STAG3: variants seen among roughly 807,000 people sequenced by gnomAD.
STAG3 encodes the protein cohesin subunit SA-3.
STAG3 carries 101 observed loss-of-function variants against 160.7 expected under a neutral mutation model. The ratio of observed to expected loss-of-function variants is 0.63; its 90% CI spans 0.54 to 0.74. The LOEUF (loss-of-function observed/expected upper bound fraction) is 0.74, where lower values mean the gene tolerates loss of function less well. Among genes scored for constraint, STAG3 ranks in the 30% least tolerant of loss-of-function variants. The pLI is 0.00. For synonymous variants in STAG3, 519 were observed against 585.0 expected (o/e 0.89, Z 1.63); for missense variants, 1,188 against 1,517.4 (o/e 0.78, Z 3.61).
intron 9 of STAG3, among the ~76,000 whole-genome samples, chr7:100,195,790 A>G (rs1352248377): frequency 1.3e-5 from 2 of 152,194 alleles, no homozygotes; most frequent in African/African-American, 4.8e-5. Flanking sequence ...TGCGAAGGGC[A>G]GGGGAGTTTT....
rs1799371299 is a variant in STAG3 at position 100,177,937 on chromosome 7, C to T, written c.-133C>T. 1 of 152,490 alleles carries T rather than the reference C, an allele frequency of 6.6e-6. No individual in the cohort carries two copies. Among genetic ancestry groups the T allele is most frequent in the Admixed American group, 6.5e-5 (1 of 15,300 alleles). 9.4% of individuals were successfully genotyped at this position (152,490 alleles called of 1,614,324 possible). A position where few individuals can be genotyped will look rare whatever the true frequency, so the allele number is the denominator to read the frequency against. On this transcript the variant is annotated 5_prime_UTR_variant, in exon 1 of 34. Coordinates refer to ENST00000615138, the MANE Select transcript of STAG3 (RefSeq NM_001282717.2). ...TCCCGCGCTTTTCTGGAATCTTTCG[C>T]CCCCGGAAGGGCAGCGGCGGGCGCC...
At chr7:100,203,607 T>C (rs1240153177) in intron 25 of STAG3, among the ~76,000 whole-genome samples, 1 of 150,746 alleles carries the variant, frequency 6.6e-6, no homozygotes, top group African/African-American at 2.4e-5. Context: ...GTCCGGCTCC[T>C]GGGTTCACGC....
intron 4 of STAG3, among the ~76,000 whole-genome samples, chr7:100,183,325 T>C (rs1799774224): frequency 6.6e-6 from 1 of 152,202 alleles, no homozygotes; most frequent in Non-Finnish European, 1.5e-5. Flanking sequence ...TGAGAGAGCA[T>C]GTTCTTTTCT....
chr7:100,187,651 G>A (rs1361707220), intron 5 of STAG3, among the ~76,000 whole-genome samples: 2 of 152,150 alleles, frequency 1.3e-5, no homozygotes, highest in Non-Finnish European at 2.9e-5. Flanking sequence ...GCTTGGGGTG[G>A]GCAGTGTAGG....
chr7:100,185,799 G>C (rs1300129083), intron 4 of STAG3, among the ~76,000 whole-genome samples: 6 of 151,994 alleles, frequency 3.9e-5, no homozygotes, highest in African/African-American at 1.5e-4. Flanking sequence ...TATCTGCCCG[G>C]TAGGTTTAGT....
chr7:100,201,997 T>A lies in STAG3; in HGVS notation c.2350T>A (p.Cys784Ser). 6.2e-7 allele frequency: 1 copy of A among 1,614,200 alleles called. No homozygotes were observed. The highest frequency in any genetic ancestry group is 1.1e-5 in the South Asian group (1 of 91,082). Residue 784 changes from cysteine to serine, a missense_variant, in exon 23 of 34, where the codon TGC (cysteine) becomes AGC (serine). Around this residue, in one of 4 missense-constraint regions of STAG3, gnomAD observed 647 missense variants for 717.2 expected, o/e 0.90. Coordinates refer to ENST00000615138, the MANE Select transcript of STAG3 (RefSeq NM_001282717.2). Reference sequence around the variant, plus strand: ...CAGAATGGTGGCCTTCTGTGAACTCTGCCAGAGTTGCCTCTCAGATGTGGA... The same window carrying A: ...CAGAATGGTGGCCTTCTGTGAACTCAGCCAGAGTTGCCTCTCAGATGTGGA... The part of the protein sequence containing the change: ...RDRMVAFCEL[C>S]QSCLSDVDTE...
intron 25 of STAG3, among the ~76,000 whole-genome samples, chr7:100,203,151 T>C (rs1422642192): frequency 1.3e-5 from 2 of 151,896 alleles, no homozygotes; most frequent in Non-Finnish European, 2.9e-5. Flanking sequence ...TCTCCAAGAA[T>C]TGGGCTTGGG....
intron 8 of STAG3, among the ~76,000 whole-genome samples, chr7:100,194,584 C>A (rs1253213129): frequency 6.6e-6 from 1 of 151,784 alleles, no homozygotes; most frequent in African/African-American, 2.4e-5. Context: ...CCCAGGAGTT[C>A]AAGACCAGCC....
At position 100,197,771 on chromosome 7, in the gene STAG3, T is replaced by C; in HGVS notation, c.1066-7T>C. 6.2e-7 allele frequency: 1 copy of C among 1,612,362 alleles called. No homozygotes were observed. The highest frequency in any genetic ancestry group is 8.5e-7 in the Non-Finnish European group (1 of 1,178,574). On this transcript the variant is annotated splice_region_variant and splice_polypyrimidine_tract_variant and intron_variant, in intron 10 of 33. Transcript: ENST00000615138. The stretch of plus-strand genomic sequence containing the variant: ...TTTCCATTCTCCTGGTTTTCCCTCC[T>C]CACCAGCACCGAGAAGTCCGCCTGA...
At chr7:100,180,232 A>T (rs1014715332) in intron 1 of STAG3, among the ~76,000 whole-genome samples, 5 of 147,476 alleles carry the variant, frequency 3.4e-5, no homozygotes, top group East Asian at 2.0e-4. Context: ...GATTATTATT[A>T]TTTTTTTTTT....
At chr7:100,181,210 A>T (rs1799626525) in intron 2 of STAG3, among the ~76,000 whole-genome samples, 1 of 152,024 alleles carries the variant, frequency 6.6e-6, no homozygotes, top group South Asian at 2.1e-4. Context: ...ATTACCATAT[A>T]TGAGTTTATT....
rs755782578 is a variant in STAG3, at chr7:100,200,955, G to A, written c.2047G>A (p.Glu683Lys). ...LLTDRFQQEL[E>K]ELLQSSFLDE... ...GACTGACCGCTTCCAGCAGGAGCTT[G>A]AAGAGCTGTTACAGGTAGGAGCTGG... is the stretch of plus-strand genomic sequence containing the variant. Residue 683 changes from glutamate to lysine, a missense_variant, in exon 19 of 34, where the codon GAA becomes AAA. This residue lies in a region of STAG3 where 647 missense variants were observed against 717.2 expected (regional missense o/e 0.90). Transcript: ENST00000615138. 8.7e-6 allele frequency: 14 copies of A among 1,614,110 alleles called. No individual in the cohort carries two copies. In the African/African-American group the frequency reaches 1.3e-4, roughly 15 times the overall value.
Position 100,199,309 on chromosome 7 carries a change from A to G in STAG3, c.1515A>G (p.Ala505=), listed in dbSNP as rs545360000. 5 of 1,614,174 alleles carry G rather than the reference A, an allele frequency of 3.1e-6. No homozygotes were observed. Among genetic ancestry groups the G allele is most frequent in the Middle Eastern group, 1.7e-4 (1 of 6,060 alleles). The change falls in exon 15 of 34, where the codon GCA becomes GCG. Residue 505 remains alanine (A), a synonymous_variant. Transcript: ENST00000615138. ...TAGTAGACAGTCTGTGGGACTGTGC[A>G]GGGGCTCGGCTGAAGGACTGGGAGG... ...AYLVDSLWDC[A]GARLKDWEGL... is the part of the protein sequence containing the mutation.
chr7:100,208,137 G>C (rs1801836614), intron 29 of STAG3, among the ~76,000 whole-genome samples: 2 of 151,918 alleles, frequency 1.3e-5, no homozygotes, highest in Non-Finnish European at 2.9e-5. Flanking sequence ...AAAAGTTATA[G>C]TTTTAGCTCT....
downstream of STAG3, among the ~76,000 whole-genome samples, chr7:100,216,959 C>T (rs1344341909): frequency 2.6e-5 from 4 of 151,876 alleles, no homozygotes; most frequent in Admixed American, 6.6e-5. Context: ...GATGATTTCC[C>T]GGCACAGACA....
intron 29 of STAG3, among the ~76,000 whole-genome samples, chr7:100,208,022 A>G (rs1030353006): frequency 2.0e-5 from 3 of 152,142 alleles, no homozygotes; most frequent in African/African-American, 7.2e-5. Flanking sequence ...AGGCTGAGGC[A>G]GGAGAATGGC....
rs1800842110 is a variant in STAG3 at position 100,198,533 on chromosome 7, G to T, written c.1303G>T (p.Ala435Ser). 6.2e-7 allele frequency: 1 copy of T among 1,614,074 alleles called. No homozygotes were observed. ...DCESVYPVVY[A>S]SHRGLASAAG... The stretch of plus-strand genomic sequence containing the variant: ...TGAGAGCGTCTACCCAGTTGTGTAT[G>T]CCTCTCATCGAGGCCTGGCCTCTGC... Residue 435 changes from alanine (A) to serine (S), a missense_variant, in exon 13 of 34, where the codon GCC becomes TCC. Ala to Ser is a moderately conservative substitution (Grantham distance 99). This residue lies in a region of STAG3 where 240 missense variants were observed against 358.1 expected (regional missense o/e 0.67). Transcript: ENST00000615138.
intron 2 of STAG3, 29 bp downstream of exon 2, chr7:100,180,701 T>C: frequency 1.5e-6 from 2 of 1,324,180 alleles, no homozygotes; most frequent in South Asian, 1.2e-5. Flanking sequence ...GTGTGGCCAC[T>C]TCCTGTGTCC....
chr7:100,200,421 T>A (rs1801025579), intron 17 of STAG3, 32 bp from the exon 18 acceptor site: 1 of 1,613,452 alleles, frequency 6.2e-7, no homozygotes, highest in Non-Finnish European at 8.5e-7. Flanking sequence ...ATGTGTCAGC[T>A]TGTAAGGAGG....
Sources: allele counts gnomAD v4.1 joint callset (sites outside exome capture counted in the v4.1 genomes callset), GRCh38; gene constraint gnomAD v4.1.1; regional missense constraint gnomAD v4.1.1; transcripts MANE v1.5; gene names NCBI Gene and HGNC (gene_info 2026-07-23, HGNC 2026-07-21).